Variants in CPB2 observed in about 807,000 individuals in gnomAD.
The protein encoded by CPB2 is carboxypeptidase B2.
Under a neutral mutation model 57.0 loss-of-function variants are expected in CPB2, and 54 were observed. That is an observed-to-expected ratio of 0.95 (90% CI 0.76 to 1.19). The LOEUF is 1.19. CPB2 is among the 50% of genes most tolerant of loss of function. The pLI is 0.00. For synonymous variants in CPB2, 189 were observed against 178.1 expected, an observed-to-expected ratio of 1.06 and a Z score of -0.49; for missense variants, 426 against 512.0, an observed-to-expected ratio of 0.83 and a Z score of 1.62.
Position 46,053,409 on chromosome 13 carries a change from A to AT in CPB2, c.*204dup, listed in dbSNP as rs1406172574. 35 of 667,640 alleles carry AT rather than the reference A, an allele frequency of 5.2e-5. No homozygotes were observed. Among genetic ancestry groups the AT allele is most frequent in the Non-Finnish European group, 6.1e-5 (28 of 462,110 alleles). The allele number at this position is 667,640 out of a possible 1,614,324, so 41.4% of individuals were successfully genotyped here. A position where few individuals can be genotyped will look rare whatever the true frequency, so the allele number is the denominator to read the frequency against. On this transcript the variant is annotated 3_prime_UTR_variant, in exon 11 of 11. Coordinates refer to ENST00000181383, the MANE Select transcript of CPB2 (RefSeq NM_001872.5). ...AAAAGTAGGTAACTAGACTTTTACAATTTTTTTTAAAGGGTAAAAAGACAT... is the reference window on the plus strand; with the variant it reads ...AAAAGTAGGTAACTAGACTTTTACAATTTTTTTTTAAAGGGTAAAAAGACAT...
Position 46,053,609 on chromosome 13 carries a change from G to C in CPB2, c.*5C>G. The stretch of plus-strand genomic sequence containing the variant: ...TACGGAAGCAGAATGATAAAATCAG[G>C]GGCATTAAACATTCCTAATGACATG... On this transcript the variant is annotated 3_prime_UTR_variant, in exon 11 of 11. Transcript: ENST00000181383. 1 of 1,607,626 alleles carries C rather than the reference G, an allele frequency of 6.2e-7. No homozygotes were observed. The highest frequency in any genetic ancestry group is 8.5e-7 in the Non-Finnish European group (1 of 1,175,242).
intron 3 of CPB2, among the ~76,000 whole-genome samples, chr13:46,082,918 T>A (rs2045141770): frequency 6.6e-6 from 1 of 152,184 alleles, no homozygotes; most frequent in South Asian, 2.1e-4. Context: ...TATGCTGTTT[T>A]CAGTTAAAGA....
At chr13:46,090,627 G>T (rs1319910862) in intron 1 of CPB2, among the ~76,000 whole-genome samples, 1 of 151,648 alleles carries the variant, frequency 6.6e-6, no homozygotes, top group African/African-American at 2.4e-5. Context: ...CTCCCAAAGT[G>T]CTGGGATTAC....
At chr13:46,073,460 T>G in intron 6 of CPB2, 1 of 980,644 alleles carries the variant, frequency 1.0e-6, no homozygotes, top group Non-Finnish European at 1.2e-6. Flanking sequence ...TGTAATGTTG[T>G]GCTTTATGTT....
At chr13:46,081,779 C>A (rs1465168931) in intron 4 of CPB2, among the ~76,000 whole-genome samples, 2 of 152,078 alleles carry the variant, frequency 1.3e-5, no homozygotes, top group South Asian at 4.1e-4. Flanking sequence ...AAAAGAAAGT[C>A]CTCCTGCGAA....
chr13:46,058,544 T>C (rs532089374), intron 8 of CPB2, among the ~76,000 whole-genome samples, 163 bp from the exon 9 acceptor site: 1 of 152,330 alleles, frequency 6.6e-6, no homozygotes, highest in South Asian at 2.1e-4. Flanking sequence ...GTTATGTTTC[T>C]TTTGAAGTCA....
intron 2 of CPB2, among the ~76,000 whole-genome samples, chr13:46,086,222 A>C (rs2045201789): frequency 6.6e-6 from 1 of 151,842 alleles, no homozygotes; most frequent in Admixed American, 6.6e-5. Flanking sequence ...CCTTCTTGTC[A>C]CCCACAACGT....
intron 3 of CPB2, among the ~76,000 whole-genome samples, chr13:46,082,958 C>CT (rs774539161): frequency 2.4e-3 from 337 of 142,814 alleles, no homozygotes; most frequent in East Asian, 0.016. Flanking sequence ...CCTTTTCTTT[C>CT]TTTTTTTTTT....
intron 6 of CPB2, among the ~76,000 whole-genome samples, chr13:46,067,697 G>A (rs926331225): frequency 6.6e-6 from 1 of 152,082 alleles, no homozygotes; most frequent in African/African-American, 2.4e-5. Context: ...CTTTATTAAA[G>A]CCATAGAGCC....
At chr13:46,092,593 G>C (rs1268847381) in intron 1 of CPB2, among the ~76,000 whole-genome samples, 1 of 152,180 alleles carries the variant, frequency 6.6e-6, no homozygotes, top group Non-Finnish European at 1.5e-5. Flanking sequence ...ATTAGCAAAG[G>C]CTTCATAGAA....
intron 1 of CPB2, among the ~76,000 whole-genome samples, chr13:46,090,798 A>T (rs1025104930): frequency 1.3e-5 from 2 of 149,146 alleles, no homozygotes; most frequent in Non-Finnish European, 3.0e-5. Flanking sequence ...ATCTCGGCTC[A>T]CTGCAACCTC....
intron 6 of CPB2, among the ~76,000 whole-genome samples, chr13:46,068,230 A>G (rs939804795): frequency 2.6e-5 from 4 of 152,230 alleles, no homozygotes; most frequent in Non-Finnish European, 4.4e-5. Context: ...AATTTAGTTT[A>G]TAATTGTTTG....
At chr13:46,091,348 C>A (rs2045290342) in intron 1 of CPB2, among the ~76,000 whole-genome samples, 1 of 152,156 alleles carries the variant, frequency 6.6e-6, no homozygotes, top group Non-Finnish European at 1.5e-5. Context: ...GCTTATAGAG[C>A]CCCTTTTCCC....
intron 10 of CPB2, among the ~76,000 whole-genome samples, chr13:46,054,401 C>T (rs187396434): frequency 2.6e-5 from 4 of 152,100 alleles, no homozygotes; most frequent in Admixed American, 2.6e-4. Context: ...AGAATTTTTT[C>T]TCCTTACTGA....
rs114181167 is a variant in CPB2, at chr13:46,082,492, G to A, written c.333C>T (p.Val111=). ...LIQQQISNDT[V]SPRASASYYE... ...AGTACGATGCGGAGGCTCGGGGGCT[G>A]ACTGTGTCGTTGGAAATCTGCTGTT... The change falls in exon 4 of 11, where the codon GTC becomes GTT. Residue 111 remains valine, a synonymous_variant. Coordinates refer to ENST00000181383, the MANE Select transcript of CPB2 (RefSeq NM_001872.5). The A allele has an allele frequency of 2.3e-4, 367 of 1,613,806 alleles. 1 individual carries two copies. In the African/African-American group the frequency reaches 4.7e-3, roughly 21 times the overall value.
intron 2 of CPB2, 37 bp downstream of exon 2, chr13:46,087,708 G>A (rs1339130369): frequency 6.3e-6 from 9 of 1,436,830 alleles, no homozygotes; most frequent in Non-Finnish European, 8.8e-6. Context: ...CTTATACAAA[G>A]TGAAACCAAT....
rs368633198 is a variant in CPB2, at chr13:46,069,243, A to C, written c.592-1826T>G. Among the ~76,000 whole-genome samples the C allele has an allele frequency of 2.6e-5, 4 of 152,228 alleles. No homozygotes were observed. The East Asian group carries it at 5.8e-4, about 22-fold the overall frequency. ...AAGGAGTGAGTGAGGGCTGAAATAC[A>C]GTCTGTGCTGTGTGCCAAGCCACAC... On this transcript the variant is annotated intron_variant, in intron 6 of 10. Transcript: ENST00000181383.
At chr13:46,078,381 A>G (rs1178173013) in intron 5 of CPB2, among the ~76,000 whole-genome samples, 1 of 152,182 alleles carries the variant, frequency 6.6e-6, no homozygotes, top group Non-Finnish European at 1.5e-5. Context: ...AATAAACACC[A>G]CTTCCTTCAT....
chr13:46,088,548 A>G (rs2045244266), intron 1 of CPB2, among the ~76,000 whole-genome samples: 1 of 152,250 alleles, frequency 6.6e-6, no homozygotes, highest in Admixed American at 6.5e-5. Context: ...TTCATGGGAT[A>G]TGCACAGTTT....
Sources: gnomAD v4.1 joint callset for allele counts (sites outside exome capture counted in the v4.1 genomes callset) on GRCh38, gnomAD v4.1.1 for gene constraint, MANE v1.5 for transcripts, NCBI Gene and HGNC (gene_info 2026-07-23, HGNC 2026-07-21) for gene names.